RPTOR: variants seen among roughly 807,000 people sequenced by gnomAD.
RPTOR encodes the protein regulatory-associated protein of mTOR.
RPTOR carries 21 observed loss-of-function variants against 169.9 expected under a neutral mutation model. The observed-to-expected ratio is 0.12, with a 90% confidence interval of 0.09 to 0.18. The LOEUF (loss-of-function observed/expected upper bound fraction) is 0.18. RPTOR is among the 10% of genes least tolerant of loss of function. The pLI is 1.00. For missense variants in RPTOR, 1,133 were observed against 1,855.9 expected, an observed-to-expected ratio of 0.61 and a Z score of 7.16; for synonymous variants, 732 against 753.2, an observed-to-expected ratio of 0.97 and a Z score of 0.46.
At chr17:80,569,727 A>G (rs528456891) in intron 1 of RPTOR, among the ~76,000 whole-genome samples, 4 of 152,242 alleles carry the variant, frequency 2.6e-5, no homozygotes, top group South Asian at 4.1e-4. Context: ...CACAAAGCCT[A>G]AAGTATTTAT....
chr17:80,937,858 T>C (rs1299518160), intron 24 of RPTOR, among the ~76,000 whole-genome samples: 1 of 152,170 alleles, frequency 6.6e-6, no homozygotes, highest in East Asian at 1.9e-4. Context: ...CATCCACCGC[T>C]CTCCCTCCTG....
chr17:80,822,878 CATGTGTGT>C (rs1282798106), intron 8 of RPTOR, among the ~76,000 whole-genome samples, 193 bp from the exon 9 acceptor site: 8 of 151,804 alleles, frequency 5.3e-5, no homozygotes, highest in South Asian at 4.2e-4. Context: ...TGCATGTGTG[CATGTGTGT>C]ACATTTGTGC....
chr17:80,744,924 G>GC (rs1567889577), intron 5 of RPTOR, among the ~76,000 whole-genome samples: 75 of 151,216 alleles, frequency 5.0e-4, no homozygotes, highest in African/African-American at 1.5e-3. Context: ...CACAGCCCTG[G>GC]TTACTAGCAG....
chr17:80,742,750 A>G (rs531623988), intron 5 of RPTOR, among the ~76,000 whole-genome samples: 1 of 152,228 alleles, frequency 6.6e-6, no homozygotes, highest in South Asian at 2.1e-4. Flanking sequence ...GCACACATAC[A>G]TGCACATATA....
At chr17:80,713,364 C>T (rs760015174) in intron 4 of RPTOR, among the ~76,000 whole-genome samples, 3 of 152,202 alleles carry the variant, frequency 2.0e-5, no homozygotes, top group Non-Finnish European at 4.4e-5. Context: ...AGTTCTTTAT[C>T]AGATATGTGT....
At chr17:80,614,883 C>CACA (rs1465051871) in intron 1 of RPTOR, among the ~76,000 whole-genome samples, 3 of 152,218 alleles carry the variant, frequency 2.0e-5, no homozygotes, top group African/African-American at 7.2e-5. Flanking sequence ...GCCTTCGTCA[C>CACA]CAGGACTTGG....
At chr17:80,862,926 C>T (rs2067936474) in intron 13 of RPTOR, among the ~76,000 whole-genome samples, 1 of 152,218 alleles carries the variant, frequency 6.6e-6, no homozygotes, top group Non-Finnish European at 1.5e-5. Flanking sequence ...CCAGCCGGCC[C>T]TCAGGACACA....
chr17:80,743,871 ACAGCCCTGG>A lies in RPTOR; in HGVS notation c.655-10137_655-10129del, dbSNP rs2066521141. Among the ~76,000 whole-genome samples the A allele has an allele frequency of 1.7e-5, 2 of 119,936 alleles. 1 individual carries two copies. The allele number at this position is 119,936 out of a possible 152,430, so 78.7% of individuals were successfully genotyped here. A position where few individuals can be genotyped will look rare whatever the true frequency, so the allele number is the denominator to read the frequency against. On this transcript the variant is annotated intron_variant, in intron 5 of 33. Coordinates refer to ENST00000306801, the MANE Select transcript of RPTOR (RefSeq NM_020761.3). ...TACTAGCAGAGCCCTGGCTACTAGC[ACAGCCCTGG>A]CTACTAGCACTGTCCTGGTTACGAG...
At position 80,659,627 on chromosome 17, in the gene RPTOR, C is replaced by T. The variant is rs2065706031; in HGVS notation, c.348+15817C>T. Among the ~76,000 whole-genome samples the T allele has an allele frequency of 6.6e-6, 1 of 152,118 alleles. No individual in the cohort carries two copies. Among genetic ancestry groups the T allele is most frequent in the Admixed American group, 6.5e-5 (1 of 15,280 alleles). On this transcript the variant is annotated intron_variant, in intron 3 of 33. Coordinates refer to ENST00000306801, the MANE Select transcript of RPTOR (RefSeq NM_020761.3). This position sits in a 1 kb window ranked among gnomAD's most constrained non-coding sequence, Gnocchi z 4.3. ...GTTTAAGCAATTCTCCTGCCTCAGCCTCCCAAGTAGCTGGGACTACGGGCA... is the reference window on the plus strand; with the variant it reads ...GTTTAAGCAATTCTCCTGCCTCAGCTTCCCAAGTAGCTGGGACTACGGGCA...
chr17:80,952,753 A>C (rs943479937), intron 28 of RPTOR, among the ~76,000 whole-genome samples: 4 of 150,864 alleles, frequency 2.7e-5, no homozygotes, highest in Admixed American at 6.6e-5. Flanking sequence ...AGTCACCAGG[A>C]GGATCGTGCC....
chr17:80,652,144 T>C, intron 3 of RPTOR, among the ~76,000 whole-genome samples: 1 of 149,892 alleles, frequency 6.7e-6, no homozygotes, highest in Non-Finnish European at 1.5e-5. Context: ...CACTCCAGCC[T>C]GGGTGACAGA....
chr17:80,602,846 G>T, intron 1 of RPTOR: 1 of 582,718 alleles, frequency 1.7e-6, no homozygotes. Flanking sequence ...GGTGAATGTT[G>T]ATGGTGTCTT....
At chr17:80,597,126 G>A (rs1014835528) in intron 1 of RPTOR, among the ~76,000 whole-genome samples, 7 of 152,202 alleles carry the variant, frequency 4.6e-5, no homozygotes, top group Admixed American at 3.3e-4. Flanking sequence ...GAAAGGGAAG[G>A]CAGCTGTGAT....
intron 3 of RPTOR, among the ~76,000 whole-genome samples, chr17:80,691,583 G>A (rs1303523012): frequency 6.6e-6 from 1 of 152,184 alleles, no homozygotes; most frequent in Non-Finnish European, 1.5e-5. Context: ...GTTGGCCCCT[G>A]AGCCTTGTGA....
chr17:80,746,077 G>A lies in RPTOR; in HGVS notation c.655-7933G>A, dbSNP rs1039002025. On this transcript the variant is annotated intron_variant, in intron 5 of 33. Coordinates refer to ENST00000306801, the MANE Select transcript of RPTOR (RefSeq NM_020761.3). The surrounding 1 kb of genome is among the most constrained non-coding windows in gnomAD (Gnocchi z 4.5). ...CTTGAGAGGCTGAGGCGGGAGAATCGCTTGAACCCAGGAGGTGGAGGTTGC... is the reference window on the plus strand; with the variant it reads ...CTTGAGAGGCTGAGGCGGGAGAATCACTTGAACCCAGGAGGTGGAGGTTGC... 2.0e-5 allele frequency among the ~76,000 whole-genome samples: 3 copies of A among 151,798 alleles called. No homozygotes were observed. The highest frequency in any genetic ancestry group is 3.9e-4 in the East Asian group (2 of 5,176).
Position 80,582,927 on chromosome 17 carries a change from T to C in RPTOR, c.162+37136T>C, listed in dbSNP as rs1401940920. ...CTTTCTTTTTTTTTCTTTTTTTTTTTTTGAGACGGGGTCCCACTCTATCAC... is the reference window on the plus strand; with the variant it reads ...CTTTCTTTTTTTTTCTTTTTTTTTTCTTGAGACGGGGTCCCACTCTATCAC... On this transcript the variant is annotated intron_variant, in intron 1 of 33. Coordinates refer to ENST00000306801, the MANE Select transcript of RPTOR (RefSeq NM_020761.3). 6.0e-5 allele frequency among the ~76,000 whole-genome samples: 9 copies of C among 151,204 alleles called. No individual in the cohort carries two copies. In the East Asian group the frequency reaches 1.5e-3, roughly 26 times the overall value.
At chr17:80,958,282 G>A (rs2069282761) in intron 29 of RPTOR, among the ~76,000 whole-genome samples, 1 of 149,454 alleles carries the variant, frequency 6.7e-6, no homozygotes, top group African/African-American at 2.5e-5. Flanking sequence ...TGTAGAAACA[G>A]GGGTCTCAGT....
At chr17:80,782,965 A>G (rs1358040404) in intron 6 of RPTOR, among the ~76,000 whole-genome samples, 1 of 152,092 alleles carries the variant, frequency 6.6e-6, no homozygotes. Context: ...GGCAAGGCAC[A>G]CCCCAGAGCT....
At chr17:80,685,769 C>T (rs2065942410) in intron 3 of RPTOR, among the ~76,000 whole-genome samples, 2 of 149,966 alleles carry the variant, frequency 1.3e-5, no homozygotes, top group South Asian at 4.3e-4. Context: ...GGGGTGCTTC[C>T]TTTGAGCTTC....
Sources: gnomAD v4.1 joint callset for allele counts (sites outside exome capture counted in the v4.1 genomes callset) on GRCh38, gnomAD v4.1.1 for gene constraint, Gnocchi (gnomAD v3.1) non-coding constraint, MANE v1.5 for transcripts, NCBI Gene and HGNC (gene_info 2026-07-23, HGNC 2026-07-21) for gene names.